The following LRMDA variants were observed in gnomAD, a reference collection of about 807,000 sequenced individuals.
LRMDA encodes leucine-rich melanocyte differentiation-associated protein.
A neutral mutation model predicts 29.8 loss-of-function variants in LRMDA; 18 were observed. The ratio of observed to expected loss-of-function variants is 0.60; its 90% CI spans 0.42 to 0.90. The LOEUF is 0.90. Ranked by LOEUF, LRMDA falls within the 40% of genes least tolerant of loss-of-function variation. LRMDA has a pLI of 0.00. For missense variants in LRMDA, 273 were observed against 273.9 expected (o/e 1.00, Z 0.02); for synonymous variants, 125 against 109.4 (o/e 1.14, Z -0.89).
At chr10:75,802,078 A>G (rs1432913280) in intron 2 of LRMDA, among the ~76,000 whole-genome samples, 1 of 152,178 alleles carries the variant, frequency 6.6e-6, no homozygotes, top group East Asian at 1.9e-4. Flanking sequence ...CAACACAGGC[A>G]TGCTGAGGCA....
chr10:76,014,339 G>T (rs901665269), intron 2 of LRMDA, among the ~76,000 whole-genome samples: 6 of 151,704 alleles, frequency 4.0e-5, no homozygotes, highest in African/African-American at 1.5e-4. Context: ...AAACCCAGCT[G>T]CCCTTAGCAG....
At chr10:75,652,405 C>G (rs1403227167) in intron 2 of LRMDA, among the ~76,000 whole-genome samples, 1 of 152,190 alleles carries the variant, frequency 6.6e-6, no homozygotes, top group Admixed American at 6.5e-5. Context: ...CTCTGCCAGG[C>G]CAAGACAGAA....
At chr10:76,332,539 C>A (rs1489407829) in intron 6 of LRMDA, among the ~76,000 whole-genome samples, 1 of 152,176 alleles carries the variant, frequency 6.6e-6, no homozygotes, top group Non-Finnish European at 1.5e-5. Context: ...GCAAACCCTA[C>A]TTCTGTAAAA....
intron 2 of LRMDA, among the ~76,000 whole-genome samples, chr10:76,004,536 G>T (rs1385149570): frequency 4.6e-5 from 7 of 152,126 alleles, no homozygotes; most frequent in Admixed American, 4.6e-4. Context: ...AGAAAGAGCG[G>T]CAGACAGTGT....
intron 5 of LRMDA, among the ~76,000 whole-genome samples, chr10:76,202,956 C>T (rs543311159): frequency 1.3e-5 from 2 of 152,278 alleles, no homozygotes; most frequent in African/African-American, 4.8e-5. Flanking sequence ...TGAGTTCTTT[C>T]TCTGACTAAT....
At chr10:75,918,934 TTGGGAGTTAGGAGAGTTGTCCTGCA>T (rs1845980663) in intron 2 of LRMDA, among the ~76,000 whole-genome samples, 1 of 152,078 alleles carries the variant, frequency 6.6e-6, no homozygotes, top group South Asian at 2.1e-4. Context: ...CCACAAATAG[TTGGGAGTTAGGAGAGTTGTCCTGCA>T]GAGTAAAAAG....
At chr10:75,554,876 C>T (rs774630576) in intron 2 of LRMDA, among the ~76,000 whole-genome samples, 28 of 152,132 alleles carry the variant, frequency 1.8e-4, no homozygotes, top group Admixed American at 7.9e-4. Context: ...TGTAATGTGT[C>T]CAAGTCATTT....
chr10:76,148,994 C>T (rs1432079786), intron 5 of LRMDA, among the ~76,000 whole-genome samples: 5 of 152,076 alleles, frequency 3.3e-5, no homozygotes, highest in African/African-American at 1.2e-4. Context: ...AACAGTTGTT[C>T]TAGTTTAACA....
rs150917522 is a variant in LRMDA at position 75,492,015 on chromosome 10, C to T, written c.131+53521C>T. 2.4e-3 allele frequency among the ~76,000 whole-genome samples: 368 copies of T among 152,272 alleles called. 3 individuals carry two copies. The highest frequency in any genetic ancestry group is 8.3e-3 in the African/African-American group (344 of 41,540). The stretch of plus-strand genomic sequence containing the variant: ...AGTTTTAAATGCCTTGGGAACAGTG[C>T]CCTCAAGATAAAGCTGAGCAAAATA... On this transcript the variant is annotated intron_variant, in intron 2 of 6. Coordinates refer to ENST00000611255, the MANE Select transcript of LRMDA (RefSeq NM_001305581.2).
chr10:76,145,648 G>T (rs541517110), intron 5 of LRMDA, among the ~76,000 whole-genome samples: 1 of 152,144 alleles, frequency 6.6e-6, no homozygotes, highest in African/African-American at 2.4e-5. Context: ...CCAGCTCCTG[G>T]ATTCATTAAT....
At chr10:75,904,748 A>T (rs1845730971) in intron 2 of LRMDA, among the ~76,000 whole-genome samples, 1 of 152,144 alleles carries the variant, frequency 6.6e-6, no homozygotes, top group African/African-American at 2.4e-5. Context: ...AAATTTTCAA[A>T]GCCGTTATTC....
intron 2 of LRMDA, among the ~76,000 whole-genome samples, chr10:75,966,431 A>G (rs571618035): frequency 6.6e-6 from 1 of 152,310 alleles, no homozygotes; most frequent in African/African-American, 2.4e-5. Context: ...TGCTTAGGAA[A>G]TGGTCATTTC....
At chr10:75,608,993 C>T (rs143329403) in intron 2 of LRMDA, among the ~76,000 whole-genome samples, 8 of 152,300 alleles carry the variant, frequency 5.3e-5, no homozygotes, top group Admixed American at 3.3e-4. Context: ...TCGTCACCTG[C>T]ACGTACTCTC....
chr10:76,488,927 C>T (rs1842807646), intron 6 of LRMDA, among the ~76,000 whole-genome samples: 1 of 151,898 alleles, frequency 6.6e-6, no homozygotes, highest in Non-Finnish European at 1.5e-5. Flanking sequence ...CATCAATATT[C>T]ATCAGGGATA....
chr10:75,463,526 C>T lies in LRMDA; in HGVS notation c.131+25032C>T, dbSNP rs1277477640. ...TTTTGAGATGGAGTTTCACTTTTGTCGCTTAGGCTGGAGTGCAGTGGTGGG... is the reference window on the plus strand; with the variant it reads ...TTTTGAGATGGAGTTTCACTTTTGTTGCTTAGGCTGGAGTGCAGTGGTGGG... On this transcript the variant is annotated intron_variant, in intron 2 of 6. Coordinates refer to ENST00000611255, the MANE Select transcript of LRMDA (RefSeq NM_001305581.2). Among the ~76,000 whole-genome samples the T allele has an allele frequency of 6.0e-5, 9 of 150,524 alleles. No homozygotes were observed. The South Asian group carries it at 1.7e-3, about 28-fold the overall frequency.
chr10:76,103,220 T>G (rs1849424849), intron 5 of LRMDA, among the ~76,000 whole-genome samples: 1 of 152,210 alleles, frequency 6.6e-6, no homozygotes, highest in African/African-American at 2.4e-5. Flanking sequence ...TTGGGTCTCC[T>G]TTAAGACTTT....
chr10:76,351,193 G>T (rs1417680708), intron 6 of LRMDA, among the ~76,000 whole-genome samples: 1 of 152,126 alleles, frequency 6.6e-6, no homozygotes, highest in Non-Finnish European at 1.5e-5. Flanking sequence ...GCAGAATGAA[G>T]GATGCAGCTC....
intron 5 of LRMDA, among the ~76,000 whole-genome samples, chr10:76,249,622 A>C (rs1480314870): frequency 6.6e-6 from 1 of 152,212 alleles, no homozygotes; most frequent in Non-Finnish European, 1.5e-5. Context: ...ACCTTCTGAC[A>C]AGTTTTAAAG....
intron 2 of LRMDA, among the ~76,000 whole-genome samples, chr10:75,908,653 G>T (rs57696672): frequency 6.6e-6 from 1 of 152,082 alleles, no homozygotes. Flanking sequence ...GCTCTCCATC[G>T]ATGTCATCCT....
Sources: allele counts gnomAD v4.1 joint callset (sites outside exome capture counted in the v4.1 genomes callset), GRCh38; gene constraint gnomAD v4.1.1; transcripts MANE v1.5; gene names NCBI Gene and HGNC (gene_info 2026-07-23, HGNC 2026-07-21).